Variants in AGBL1 observed in about 807,000 individuals in gnomAD.
AGBL1 encodes AGBL carboxypeptidase 1.
A neutral mutation model predicts 118.9 loss-of-function variants in AGBL1; 130 were observed. That is an observed-to-expected ratio of 1.09 (90% CI 0.95 to 1.26). The LOEUF is 1.26. AGBL1 is among the 50% of genes most tolerant of loss of function. AGBL1 has a pLI of 0.00. For synonymous variants in AGBL1, 555 were observed against 478.9 expected (o/e 1.16, Z -2.08); for missense variants, 1,584 against 1,298.1 (o/e 1.22, Z -3.38).
At chr15:86,517,342 C>T (rs1596214068) in intron 18 of AGBL1, among the ~76,000 whole-genome samples, 1 of 152,318 alleles carries the variant, frequency 6.6e-6, no homozygotes, top group East Asian at 1.9e-4. Context: ...AATGCAGACT[C>T]AGGGTTGGGA....
intron 17 of AGBL1, among the ~76,000 whole-genome samples, chr15:86,367,200 C>A (rs1323322902): frequency 6.6e-6 from 1 of 152,140 alleles, no homozygotes; most frequent in Non-Finnish European, 1.5e-5. Context: ...AGAATGGAAT[C>A]TTTAAGCATG....
At chr15:86,404,397 T>C (rs1295099052) in intron 18 of AGBL1, among the ~76,000 whole-genome samples, 1 of 152,208 alleles carries the variant, frequency 6.6e-6, no homozygotes, top group Non-Finnish European at 1.5e-5. Flanking sequence ...ACTTCTGTTC[T>C]ATGGCTCACT....
intron 22 of AGBL1, among the ~76,000 whole-genome samples, chr15:86,875,789 G>A (rs2079798401): frequency 6.6e-6 from 1 of 152,206 alleles, no homozygotes; most frequent in African/African-American, 2.4e-5. Flanking sequence ...GAATGGGGTA[G>A]AGATCTGTGA....
chr15:86,626,319 A>C (rs2084886574), intron 21 of AGBL1, among the ~76,000 whole-genome samples: 1 of 152,236 alleles, frequency 6.6e-6, no homozygotes. Flanking sequence ...ATGGAATACC[A>C]TGCAGCTGTG....
chr15:86,533,743 A>G (rs1284722492), intron 19 of AGBL1, among the ~76,000 whole-genome samples: 1 of 115,572 alleles, frequency 8.7e-6, no homozygotes, highest in Non-Finnish European at 1.6e-5. Flanking sequence ...CTGGATTAAG[A>G]AAATGTGGCA....
intron 24 of AGBL1, among the ~76,000 whole-genome samples, chr15:86,997,890 G>GACACAC (rs3030280): frequency 2.7e-4 from 40 of 145,934 alleles, no homozygotes; most frequent in African/African-American, 3.5e-4. Flanking sequence ...ACATGTGGAA[G>GACACAC]ACACACACAC....
intron 18 of AGBL1, among the ~76,000 whole-genome samples, chr15:86,478,673 A>T (rs1450629614): frequency 6.6e-6 from 1 of 152,196 alleles, no homozygotes; most frequent in Non-Finnish European, 1.5e-5. Flanking sequence ...TAATTTATAG[A>T]TTCAATGCCA....
intron 22 of AGBL1, among the ~76,000 whole-genome samples, chr15:86,715,698 A>C (rs1462047742): frequency 6.6e-6 from 1 of 152,180 alleles, no homozygotes; most frequent in Non-Finnish European, 1.5e-5. Flanking sequence ...AAAGAAAGAA[A>C]GATGAAGGAA....
chr15:86,545,579 C>T (rs552182421), intron 19 of AGBL1, among the ~76,000 whole-genome samples: 4 of 152,088 alleles, frequency 2.6e-5, no homozygotes, highest in South Asian at 4.2e-4. Context: ...AATGCCCCAG[C>T]GTGTGTGTTT....
intron 18 of AGBL1, among the ~76,000 whole-genome samples, chr15:86,439,359 T>C (rs1277515875): frequency 6.6e-6 from 1 of 152,198 alleles, no homozygotes; most frequent in African/African-American, 2.4e-5. Context: ...TATCCCACAC[T>C]TAGAGATGAC....
At chr15:87,028,927 C>T in exon 25 of AGBL1, 8 of 1,431,726 alleles carry the variant, frequency 5.6e-6, no homozygotes, top group East Asian at 2.3e-5. Context: ...CTGAAACCTT[C>T]AAGATGTTGT....
chr15:86,815,918 G>C (rs887178031), intron 22 of AGBL1, among the ~76,000 whole-genome samples: 1 of 152,128 alleles, frequency 6.6e-6, no homozygotes, highest in African/African-American at 2.4e-5. Context: ...GGAAGGAAAC[G>C]GTGGGGAAGC....
In AGBL1 at chr15:86,398,208, C is replaced by T. The variant is rs924996210; in HGVS notation, c.2555+662C>T. ...GAAATATATGATGGGAAAGATGGCT[C>T]CTGTGCCTGGTGAGCTCTGTTGAAA... On this transcript the variant is annotated intron_variant, in intron 18 of 22. Transcript: ENST00000614907. Among the ~76,000 whole-genome samples the T allele has an allele frequency of 9.5e-4, 144 of 152,120 alleles. 2 individuals carry two copies. The highest frequency in any genetic ancestry group is 9.2e-3 in the Admixed American group (141 of 15,252).
chr15:86,671,061 C>A (rs80056374), intron 21 of AGBL1, among the ~76,000 whole-genome samples: 1 of 152,142 alleles, frequency 6.6e-6, no homozygotes, highest in Non-Finnish European at 1.5e-5. Flanking sequence ...CCTCTTCTCT[C>A]TTACCTGTCT....
chr15:86,771,652 A>G (rs901050216), intron 22 of AGBL1, among the ~76,000 whole-genome samples: 1 of 152,088 alleles, frequency 6.6e-6, no homozygotes, highest in East Asian at 1.9e-4. Flanking sequence ...GTAAATAGAA[A>G]CTGCACTTGC....
At chr15:86,897,900 T>C (rs560329690) in intron 22 of AGBL1, among the ~76,000 whole-genome samples, 10 of 150,610 alleles carry the variant, frequency 6.6e-5, no homozygotes, top group African/African-American at 1.9e-4. Context: ...CTCCTGAGTA[T>C]CTAGCTGAAC....
intron 22 of AGBL1, among the ~76,000 whole-genome samples, chr15:86,802,528 C>G (rs1054044338): frequency 6.6e-6 from 1 of 152,118 alleles, no homozygotes; most frequent in East Asian, 1.9e-4. Flanking sequence ...TAATTCTACC[C>G]TCTTTATTTT....
Position 86,619,231 on chromosome 15 carries a change from T to C in AGBL1, c.2995-55042T>C, listed in dbSNP as rs141271210. ...TAATAAGTACTCAATATATCTTTTT[T>C]AATAGACGTGACACTGAACCTCCTA... On this transcript the variant is annotated intron_variant, in intron 21 of 22. Coordinates refer to ENST00000614907, the MANE Select transcript of AGBL1 (RefSeq NM_001386094.1). Among the ~76,000 whole-genome samples, 137 of 152,316 alleles carry C rather than the reference T, an allele frequency of 9.0e-4. 1 individual carries two copies. Among genetic ancestry groups the C allele is most frequent in the Middle Eastern group, 3.4e-3 (1 of 294 alleles).
chr15:86,155,891 A>G (rs1221776769), intron 4 of AGBL1, among the ~76,000 whole-genome samples: 3 of 152,104 alleles, frequency 2.0e-5, no homozygotes, highest in Non-Finnish European at 4.4e-5. Context: ...GCTTAAACAA[A>G]AGAAATGTAT....
Sources: allele counts gnomAD v4.1 joint callset (sites outside exome capture counted in the v4.1 genomes callset), GRCh38; gene constraint gnomAD v4.1.1; transcripts MANE v1.5; gene names NCBI Gene and HGNC (gene_info 2026-07-23, HGNC 2026-07-21).